LHFPL3: variants seen among roughly 807,000 people sequenced by gnomAD.
LHFPL3 encodes the protein LHFPL tetraspan subfamily member 3.
In LHFPL3, 5 loss-of-function variants were observed where a neutral mutation model predicts 19.3. That is an observed-to-expected ratio of 0.26 (90% CI 0.14 to 0.54). The LOEUF (loss-of-function observed/expected upper bound fraction) is 0.54, where lower values mean the gene tolerates loss of function less well. Ranked by LOEUF, LHFPL3 falls within the 20% of genes least tolerant of loss-of-function variation. LHFPL3 has a pLI of 0.94. For missense variants in LHFPL3, 249 were observed against 307.4 expected, an observed-to-expected ratio of 0.81 and a Z score of 1.42; for synonymous variants, 133 against 126.2, an observed-to-expected ratio of 1.05 and a Z score of -0.36.
chr7:104,367,783 G>A (rs1790524633), intron 1 of LHFPL3, among the ~76,000 whole-genome samples: 1 of 152,238 alleles, frequency 6.6e-6, no homozygotes, highest in Non-Finnish European at 1.5e-5. Flanking sequence ...AAAAGTCACT[G>A]TTGCTTAGGA....
intron 1 of LHFPL3, among the ~76,000 whole-genome samples, chr7:104,615,567 A>T (rs1791316250): frequency 6.6e-6 from 1 of 152,230 alleles, no homozygotes; most frequent in Non-Finnish European, 1.5e-5. Flanking sequence ...ATACATGTGC[A>T]GAACGTGCAG....
chr7:104,730,347 T>C (rs1793676597), intron 1 of LHFPL3, among the ~76,000 whole-genome samples: 1 of 152,216 alleles, frequency 6.6e-6, no homozygotes, highest in African/African-American at 2.4e-5. Flanking sequence ...ATGAACTAGT[T>C]TACAGTCCCA....
chr7:104,894,883 G>C (rs1219931112), intron 2 of LHFPL3: 2 of 152,124 alleles, frequency 1.3e-5, no homozygotes, highest in Non-Finnish European at 2.9e-5. Flanking sequence ...GCCAACCCAG[G>C]ATCCAAACTT....
intron 1 of LHFPL3, among the ~76,000 whole-genome samples, chr7:104,584,492 A>G (rs1212494038): frequency 6.6e-6 from 1 of 152,044 alleles, no homozygotes; most frequent in Non-Finnish European, 1.5e-5. Flanking sequence ...GAAAATAGAG[A>G]TTACTTACTT....
At position 104,619,442 on chromosome 7, in the gene LHFPL3, A is replaced by C. The variant is rs148066815; in HGVS notation, c.446-117233A>C. ...ATAATCCCTTTTTCTTTTTTTTCAG[A>C]ATTTCTTTGCCAGTACTCATATTTC... On this transcript the variant is annotated intron_variant, in intron 1 of 2. Transcript: ENST00000424859. 2.1e-3 allele frequency among the ~76,000 whole-genome samples: 317 copies of C among 151,912 alleles called. 2 individuals are homozygous for C. The highest frequency in any genetic ancestry group is 7.2e-3 in the African/African-American group (297 of 41,454).
intron 1 of LHFPL3, among the ~76,000 whole-genome samples, chr7:104,485,068 A>G (rs1351255050): frequency 1.3e-5 from 2 of 152,312 alleles, no homozygotes; most frequent in East Asian, 3.9e-4. Context: ...TGGTCTTTTA[A>G]AAAATATATT....
intron 1 of LHFPL3, among the ~76,000 whole-genome samples, chr7:104,456,236 A>G (rs1388923577): frequency 6.6e-6 from 1 of 152,238 alleles, no homozygotes; most frequent in Non-Finnish European, 1.5e-5. Context: ...TTATGACTAG[A>G]TAATTAACTC....
intron 2 of LHFPL3, among the ~76,000 whole-genome samples, chr7:104,865,781 AC>A (rs2116647323): frequency 6.6e-6 from 1 of 152,318 alleles, no homozygotes; most frequent in South Asian, 2.1e-4. Flanking sequence ...TCTCAGATTC[AC>A]CAAAATTGAA....
chr7:104,586,282 G>T (rs2115597776), intron 1 of LHFPL3, among the ~76,000 whole-genome samples: 1 of 152,200 alleles, frequency 6.6e-6, no homozygotes, highest in Middle Eastern at 3.4e-3. Context: ...AGATGGAAAT[G>T]ATAGGACATT....
intron 1 of LHFPL3, among the ~76,000 whole-genome samples, chr7:104,494,978 C>T (rs150103435): frequency 0.015 from 2,275 of 152,244 alleles, 25 homozygotes; most frequent in Middle Eastern, 0.055. Flanking sequence ...CACCAGTTTC[C>T]ACTTCCAAAC....
chr7:104,530,957 C>T (rs892854370), intron 1 of LHFPL3, among the ~76,000 whole-genome samples: 5 of 152,138 alleles, frequency 3.3e-5, no homozygotes, highest in African/African-American at 1.2e-4. Context: ...TCTTCGATTG[C>T]TCTAGTGGGA....
In LHFPL3 at chr7:104,556,123, G is replaced by T. The variant is rs749254047; in HGVS notation, c.446-180552G>T. Reference sequence around the variant, plus strand: ...CATGGGCTGGTGTTGAGTGTCTGTGGCTTTTCCAAGCTCATGGTGCAGGCT... The same window carrying T: ...CATGGGCTGGTGTTGAGTGTCTGTGTCTTTTCCAAGCTCATGGTGCAGGCT... On this transcript the variant is annotated intron_variant, in intron 1 of 2. Coordinates refer to ENST00000424859, the MANE Select transcript of LHFPL3 (RefSeq NM_199000.3). Among the ~76,000 whole-genome samples, 5 of 152,204 alleles carry T rather than the reference G, an allele frequency of 3.3e-5. No individual in the cohort carries two copies. In the South Asian group the frequency reaches 1.0e-3, roughly 31 times the overall value.
In LHFPL3 at chr7:104,406,998, A is replaced by G. The variant is rs368564061; in HGVS notation, c.445+77774A>G. On this transcript the variant is annotated intron_variant, in intron 1 of 2. Coordinates refer to ENST00000424859, the MANE Select transcript of LHFPL3 (RefSeq NM_199000.3). ...ATCCCTGCTTGTCCACTTACCAGCTACTTGATTTGGGGCACCACAGGGGAC... is the reference window on the plus strand; with the variant it reads ...ATCCCTGCTTGTCCACTTACCAGCTGCTTGATTTGGGGCACCACAGGGGAC... Among the ~76,000 whole-genome samples the G allele has an allele frequency of 2.0e-5, 3 of 152,174 alleles. No homozygotes were observed. In the East Asian group the frequency reaches 5.8e-4, roughly 29 times the overall value.
At chr7:104,406,342 T>C (rs961080432) in intron 1 of LHFPL3, among the ~76,000 whole-genome samples, 6 of 152,104 alleles carry the variant, frequency 3.9e-5, no homozygotes, top group African/African-American at 1.4e-4. Flanking sequence ...GTAGGCCAGG[T>C]TGGAAATATT....
intron 1 of LHFPL3, among the ~76,000 whole-genome samples, chr7:104,690,652 C>T (rs1792889639): frequency 6.6e-6 from 1 of 152,168 alleles, no homozygotes; most frequent in South Asian, 2.1e-4. Context: ...TGGGGCCTGT[C>T]AAGGTATTCC....
intron 1 of LHFPL3, among the ~76,000 whole-genome samples, chr7:104,384,961 T>A (rs1790908376): frequency 6.6e-6 from 1 of 151,976 alleles, no homozygotes; most frequent in Non-Finnish European, 1.5e-5. Context: ...ATCAGGAAAT[T>A]AAATTTTACT....
intron 1 of LHFPL3, among the ~76,000 whole-genome samples, chr7:104,510,486 C>A (rs1277691455): frequency 6.6e-6 from 1 of 152,060 alleles, no homozygotes; most frequent in African/African-American, 2.4e-5. Flanking sequence ...ACTGGACATT[C>A]CTAGGCATAA....
At chr7:104,862,773 C>T (rs1442934829) in intron 2 of LHFPL3, among the ~76,000 whole-genome samples, 1 of 152,132 alleles carries the variant, frequency 6.6e-6, no homozygotes, top group Non-Finnish European at 1.5e-5. Context: ...CTCCTTGGCC[C>T]TCACCACAAC....
intron 1 of LHFPL3, among the ~76,000 whole-genome samples, chr7:104,467,199 T>TA (rs1173143357): frequency 2.6e-5 from 4 of 152,124 alleles, no homozygotes; most frequent in African/African-American, 9.7e-5. Flanking sequence ...ACATTCAATG[T>TA]AAAAAATGGG....
Sources: gnomAD v4.1 joint callset for allele counts (sites outside exome capture counted in the v4.1 genomes callset) on GRCh38, gnomAD v4.1.1 for gene constraint, MANE v1.5 for transcripts, NCBI Gene and HGNC (gene_info 2026-07-23, HGNC 2026-07-21) for gene names.